KCNMA1: variants seen among roughly 807,000 people sequenced by gnomAD.
KCNMA1 encodes Calcium-activated potassium channel subunit alpha-1.
Under a neutral mutation model 140.0 loss-of-function variants are expected in KCNMA1, and 29 were observed. That is an observed-to-expected ratio of 0.21 (90% CI 0.15 to 0.28). The LOEUF (loss-of-function observed/expected upper bound fraction) is 0.28. Ranked by LOEUF, KCNMA1 falls within the 10% of genes least tolerant of loss-of-function variation. KCNMA1 has a pLI of 1.00. For missense variants in KCNMA1, 880 were observed against 1,602.2 expected (o/e 0.55, Z 7.70); for synonymous variants, 612 against 611.9 (o/e 1.00, Z 0.00).
chr10:76,953,928 G>A lies in KCNMA1; in HGVS notation c.2361-4C>T. 1 of 1,613,976 alleles carries A rather than the reference G, an allele frequency of 6.2e-7. No individual in the cohort carries two copies. Among genetic ancestry groups the A allele is most frequent in the Non-Finnish European group, 8.5e-7 (1 of 1,179,934 alleles). ...AGGAATTAACAAGGGGTCATGCCTG[G>A]GAAGAAAAGGACAGGAAAACCTAAG... On this transcript the variant is annotated splice_region_variant and splice_polypyrimidine_tract_variant and intron_variant, in intron 20 of 27. Transcript: ENST00000286628.
At chr10:77,601,899 G>A (rs769877469) in intron 1 of KCNMA1, among the ~76,000 whole-genome samples, 11 of 152,192 alleles carry the variant, frequency 7.2e-5, no homozygotes, top group African/African-American at 4.8e-5. Flanking sequence ...GATCCAGGCA[G>A]TACAGAGTTC....
chr10:77,132,101 A>G (rs1346447828), intron 5 of KCNMA1, among the ~76,000 whole-genome samples: 1 of 152,188 alleles, frequency 6.6e-6, no homozygotes, highest in Non-Finnish European at 1.5e-5. Flanking sequence ...ATACAACATT[A>G]ACAAAGCATT....
intron 5 of KCNMA1, among the ~76,000 whole-genome samples, chr10:77,149,298 T>C (rs557088858): frequency 6.6e-6 from 1 of 152,360 alleles, no homozygotes; most frequent in South Asian, 2.1e-4. Context: ...ATTATGCTTC[T>C]AATCAGTCTG....
intron 1 of KCNMA1, among the ~76,000 whole-genome samples, chr10:77,406,207 C>T (rs1050874622): frequency 1.3e-5 from 2 of 152,078 alleles, no homozygotes; most frequent in African/African-American, 4.8e-5. Context: ...CCCTGTGAGA[C>T]TCTGAACAGG....
At chr10:77,382,988 GTGTGTGTATATATATA>G (rs1325789783) in intron 2 of KCNMA1, among the ~76,000 whole-genome samples, 11 of 44,978 alleles carry the variant, frequency 2.4e-4, no homozygotes, top group South Asian at 9.4e-4. Flanking sequence ...GTGTGTGTGT[GTGTGTGTATATATATA>G]TATATATATA....
intron 2 of KCNMA1, among the ~76,000 whole-genome samples, chr10:77,282,440 T>C (rs1033078136): frequency 5.3e-5 from 8 of 152,198 alleles, no homozygotes; most frequent in African/African-American, 1.7e-4. Flanking sequence ...TGACTCTTAT[T>C]CTTCCTCCTA....
intron 5 of KCNMA1, among the ~76,000 whole-genome samples, chr10:77,151,161 T>TTTC (rs1554887700): frequency 1.0e-4 from 15 of 144,710 alleles, no homozygotes; most frequent in African/African-American, 4.2e-4. Flanking sequence ...CTTTCTTTTC[T>TTTC]TTTCTTTCTT....
At chr10:77,079,329 T>G in intron 13 of KCNMA1, 152 bp downstream of exon 13, 1 of 686,956 alleles carries the variant, frequency 1.5e-6, no homozygotes. Flanking sequence ...TCACACCTCT[T>G]TACCCAGGTC....
At chr10:77,434,115 C>T (rs141203368) in intron 1 of KCNMA1, among the ~76,000 whole-genome samples, 12 of 152,344 alleles carry the variant, frequency 7.9e-5, no homozygotes, top group Middle Eastern at 3.4e-3. Flanking sequence ...AAGCTTCCTT[C>T]GGCTTCCCCA....
rs559404986 is a variant in KCNMA1, at chr10:77,449,216, C to T, written c.379-45193G>A. Among the ~76,000 whole-genome samples the T allele has an allele frequency of 5.9e-5, 9 of 152,066 alleles. No homozygotes were observed. The East Asian group carries it at 1.7e-3, about 29-fold the overall frequency. ...AAATTATATTAAATAAAAAAGCTGCCTTTATTTTGAAGTGTTACCTTTAAT... is the reference window on the plus strand; with the variant it reads ...AAATTATATTAAATAAAAAAGCTGCTTTTATTTTGAAGTGTTACCTTTAAT... On this transcript the variant is annotated intron_variant, in intron 1 of 27. Coordinates refer to ENST00000286628, the MANE Select transcript of KCNMA1 (RefSeq NM_001161352.2).
chr10:77,215,968 A>G (rs534554588), intron 3 of KCNMA1, among the ~76,000 whole-genome samples: 28 of 151,254 alleles, frequency 1.9e-4, no homozygotes, highest in Non-Finnish European at 3.8e-4. Flanking sequence ...GCCATCTGCA[A>G]CCCTGGAAGA....
chr10:77,387,953 T>G (rs1373483765), intron 2 of KCNMA1, among the ~76,000 whole-genome samples: 2 of 152,194 alleles, frequency 1.3e-5, no homozygotes, highest in Non-Finnish European at 2.9e-5. Context: ...TTATGACTGT[T>G]TGCTGCTGAA....
At chr10:77,089,990 T>C (rs140382966) in intron 10 of KCNMA1, among the ~76,000 whole-genome samples, 27 of 152,288 alleles carry the variant, frequency 1.8e-4, no homozygotes, top group Middle Eastern at 3.4e-3. Context: ...TAAGTTGGTG[T>C]CTTGCTTGGT....
intron 9 of KCNMA1, among the ~76,000 whole-genome samples, chr10:77,104,216 T>G (rs981313244): frequency 3.3e-5 from 5 of 152,276 alleles, no homozygotes; most frequent in African/African-American, 1.2e-4. Flanking sequence ...GAGAAGGCAG[T>G]CCTGGGGCTT....
At chr10:77,112,766 C>T (rs1003046509) in intron 6 of KCNMA1, among the ~76,000 whole-genome samples, 1 of 152,138 alleles carries the variant, frequency 6.6e-6, no homozygotes, top group Admixed American at 6.6e-5. Flanking sequence ...CATTTTACCA[C>T]GGGTGCTTTA....
intron 1 of KCNMA1, among the ~76,000 whole-genome samples, chr10:77,526,830 C>T (rs896625828): frequency 6.6e-6 from 1 of 152,166 alleles, no homozygotes; most frequent in African/African-American, 2.4e-5. Context: ...TCCTCTCTCT[C>T]TCTCTCTCTT....
intron 3 of KCNMA1, among the ~76,000 whole-genome samples, chr10:77,246,175 T>G (rs1372873087): frequency 1.3e-5 from 2 of 152,230 alleles, no homozygotes; most frequent in East Asian, 3.8e-4. Context: ...ATCTGGAAAT[T>G]TACTTCTTGA....
chr10:77,067,473 ATCTCTC>A, intron 14 of KCNMA1, among the ~76,000 whole-genome samples: 1 of 151,156 alleles, frequency 6.6e-6, no homozygotes, highest in Non-Finnish European at 1.5e-5. Flanking sequence ...TATAATCAAC[ATCTCTC>A]TCTCTCTCTC....
intron 3 of KCNMA1, among the ~76,000 whole-genome samples, chr10:77,222,894 C>G (rs1310802587): frequency 6.6e-6 from 1 of 152,166 alleles, no homozygotes; most frequent in Non-Finnish European, 1.5e-5. Flanking sequence ...CAGAGTTTAA[C>G]TGCATTGAAA....
Sources: gnomAD v4.1 joint callset for allele counts (sites outside exome capture counted in the v4.1 genomes callset) on GRCh38, gnomAD v4.1.1 for gene constraint, MANE v1.5 for transcripts, NCBI Gene and HGNC (gene_info 2026-07-23, HGNC 2026-07-21) for gene names.